Variants in ARF5 observed in about 807,000 individuals in gnomAD.
ARF5 encodes the protein ADP-ribosylation factor 5.
A neutral mutation model predicts 24.8 loss-of-function variants in ARF5; 10 were observed. The observed-to-expected ratio is 0.40, with a 90% confidence interval of 0.25 to 0.68. ARF5 has a LOEUF of 0.68. Among genes scored for constraint, ARF5 ranks in the 30% least tolerant of loss-of-function variants. The probability of loss-of-function intolerance (pLI) is 0.36; values close to 1 mark genes in which losing one functional copy is unlikely to be tolerated. For synonymous variants in ARF5, 102 were observed against 95.1 expected, an observed-to-expected ratio of 1.07 and a Z score of -0.42; for missense variants, 135 against 239.2, an observed-to-expected ratio of 0.56 and a Z score of 2.87.
chr7:127,590,579 CG>C (rs1472684534), intron 4 of ARF5, among the ~76,000 whole-genome samples: 1 of 152,158 alleles, frequency 6.6e-6, no homozygotes, highest in African/African-American at 2.4e-5. Flanking sequence ...GTGATCCACC[CG>C]TCTTGGTCTC....
At position 127,589,180 on chromosome 7, in the gene ARF5, A is replaced by G; in HGVS notation, c.148+17A>G. The G allele has an allele frequency of 6.2e-7, 1 of 1,613,722 alleles. No individual in the cohort carries two copies. Among genetic ancestry groups the G allele is most frequent in the Admixed American group, 1.7e-5 (1 of 60,020 alleles). On this transcript the variant is annotated intron_variant, in intron 2 of 5. Coordinates refer to ENST00000000233, the MANE Select transcript of ARF5 (RefSeq NM_001662.4). ...CAACCATAGGTGAGCCCGGGGACGA[A>G]GCAGGGAGCGGGAGCGCCGCGGCGG...
Position 127,588,583 on chromosome 7 carries a change from C to A in ARF5, c.67+18C>A. 1 of 1,386,090 alleles carries A rather than the reference C, an allele frequency of 7.2e-7. No homozygotes were observed. The highest frequency in any genetic ancestry group is 9.5e-7 in the Non-Finnish European group (1 of 1,055,496). The allele number at this position is 1,386,090 out of a possible 1,614,324, so 85.9% of individuals were successfully genotyped here. A position where few individuals can be genotyped will look rare whatever the true frequency, so the allele number is the denominator to read the frequency against. On this transcript the variant is annotated intron_variant, in intron 1 of 5. Transcript: ENST00000000233. ...TCTCATGGGTGAGGCAGATCGAGCGCGCGGCCCGGACCGGGGCGCCGGCCC... is the reference window on the plus strand; with the variant it reads ...TCTCATGGGTGAGGCAGATCGAGCGAGCGGCCCGGACCGGGGCGCCGGCCC...
At chr7:127,589,208 C>T in intron 2 of ARF5, 45 bp downstream of exon 2, 1 of 1,603,170 alleles carries the variant, frequency 6.2e-7, no homozygotes, top group Non-Finnish European at 8.5e-7. Flanking sequence ...CGCGGCGGGC[C>T]CTCGCGGGGT....
In ARF5 at chr7:127,591,412, G is replaced by A; in HGVS notation, c.*113G>A. 3.4e-6 allele frequency: 3 copies of A among 889,668 alleles called. No homozygotes were observed. Among genetic ancestry groups the A allele is most frequent in the East Asian group, 5.8e-5 (2 of 34,714 alleles). 55.1% of individuals were successfully genotyped at this position (889,668 alleles called of 1,614,324 possible). A position where few individuals can be genotyped will look rare whatever the true frequency, so the allele number is the denominator to read the frequency against. ...TTCCTCCCACTTTTCCTCCCCCATA[G>A]CCACAGGCCTCTGCTCCTGCTCCTG... On this transcript the variant is annotated 3_prime_UTR_variant, in exon 6 of 6. Transcript: ENST00000000233.
In ARF5 at chr7:127,591,372, C is replaced by G. The variant is rs1794285796; in HGVS notation, c.*73C>G. ...CCGGGATGACCAGACTCCCGGACTC[C>G]TCAGGCAGTGCCCTTTCCTCCCACT... is the stretch of plus-strand genomic sequence containing the variant. On this transcript the variant is annotated 3_prime_UTR_variant, in exon 6 of 6. Coordinates refer to ENST00000000233, the MANE Select transcript of ARF5 (RefSeq NM_001662.4). 7.5e-7 allele frequency: 1 copy of G among 1,330,818 alleles called. No homozygotes were observed. The highest frequency in any genetic ancestry group is 1.5e-5 in the South Asian group (1 of 67,922). The allele number at this position is 1,330,818 out of a possible 1,614,324, so 82.4% of individuals were successfully genotyped here.
At chr7:127,589,411 C>G in intron 2 of ARF5, 74 bp from the exon 3 acceptor site, 1 of 1,319,102 alleles carries the variant, frequency 7.6e-7, no homozygotes, top group Non-Finnish European at 1.1e-6. Context: ...TGTGTCCCTG[C>G]TGAAATCTAA....
intron 1 of ARF5, 44 bp downstream of exon 1, chr7:127,588,609 C>A: frequency 7.7e-7 from 1 of 1,298,460 alleles, no homozygotes; most frequent in Non-Finnish European, 9.9e-7. Flanking sequence ...GCGCCGGCCC[C>A]GGCGCAGCCC....
In ARF5 at chr7:127,591,408, C is replaced by T. The variant is rs923082419; in HGVS notation, c.*109C>T. 2 of 955,764 alleles carry T rather than the reference C, an allele frequency of 2.1e-6. No homozygotes were observed. The highest frequency in any genetic ancestry group is 5.6e-5 in the East Asian group (2 of 35,530). The allele number at this position is 955,764 out of a possible 1,614,324, so 59.2% of individuals were successfully genotyped here. A position where few individuals can be genotyped will look rare whatever the true frequency, so the allele number is the denominator to read the frequency against. ...CCCTTTCCTCCCACTTTTCCTCCCC[C>T]ATAGCCACAGGCCTCTGCTCCTGCT... On this transcript the variant is annotated 3_prime_UTR_variant, in exon 6 of 6. Transcript: ENST00000000233.
chr7:127,589,183 A>G lies in ARF5; in HGVS notation c.148+20A>G. The G allele has an allele frequency of 6.2e-7, 1 of 1,611,096 alleles. No individual in the cohort carries two copies. The highest frequency in any genetic ancestry group is 8.5e-7 in the Non-Finnish European group (1 of 1,177,972). ...CCATAGGTGAGCCCGGGGACGAAGC[A>G]GGGAGCGGGAGCGCCGCGGCGGGCC... On this transcript the variant is annotated intron_variant, in intron 2 of 5. Coordinates refer to ENST00000000233, the MANE Select transcript of ARF5 (RefSeq NM_001662.4).
intron 5 of ARF5, 54 bp downstream of exon 5, chr7:127,591,142 G>C (rs934046392): frequency 1.2e-6 from 2 of 1,610,772 alleles, no homozygotes; most frequent in Admixed American, 3.4e-5. Context: ...GAAGCTGCAG[G>C]CTGGGACAGA....
chr7:127,588,793 C>G, intron 1 of ARF5: 3 of 570,956 alleles, frequency 5.3e-6, no homozygotes, highest in Non-Finnish European at 9.0e-6. Flanking sequence ...TCCGCCCCAG[C>G]CCGGCTGGTA....
At chr7:127,590,638 C>A (rs1157129423) in intron 4 of ARF5, among the ~76,000 whole-genome samples, 1 of 152,208 alleles carries the variant, frequency 6.6e-6, no homozygotes, top group Non-Finnish European at 1.5e-5. Flanking sequence ...CGGCCGCATT[C>A]TCATGTCTTT....
chr7:127,589,215 G>T (rs1386582078), intron 2 of ARF5, 52 bp downstream of exon 2: 1 of 1,592,856 alleles, frequency 6.3e-7, no homozygotes, highest in Non-Finnish European at 8.6e-7. Context: ...GGCCCTCGCG[G>T]GGTCTGCTCC....
chr7:127,591,109 G>C (rs1319667797), intron 5 of ARF5, 21 bp downstream of exon 5: 1 of 1,613,138 alleles, frequency 6.2e-7, no homozygotes, highest in Non-Finnish European at 8.5e-7. Context: ...TGCCCACCTG[G>C]TGCTGAATCC....
Position 127,591,409 on chromosome 7 carries a change from A to C in ARF5, c.*110A>C. The C allele has an allele frequency of 7.7e-6, 7 of 911,684 alleles. No individual in the cohort carries two copies. The highest frequency in any genetic ancestry group is 9.6e-6 in the Non-Finnish European group (6 of 623,154). 56.5% of individuals were successfully genotyped at this position (911,684 alleles called of 1,614,324 possible). On this transcript the variant is annotated 3_prime_UTR_variant, in exon 6 of 6. Transcript: ENST00000000233. ...CCTTTCCTCCCACTTTTCCTCCCCC[A>C]TAGCCACAGGCCTCTGCTCCTGCTC...
rs770792390 is a variant in ARF5 at position 127,589,052 on chromosome 7, A to G, written c.68-31A>G. 4 of 1,613,046 alleles carry G rather than the reference A, an allele frequency of 2.5e-6. No individual in the cohort carries two copies. The African/African-American group carries it at 4.0e-5, about 16-fold the overall frequency. The stretch of plus-strand genomic sequence containing the variant: ...GTCTCTAGGGGGCTCCCTCGCTCCC[A>G]TCTCCATCCCTGTGCCCCTTTCCGT... On this transcript the variant is annotated intron_variant, in intron 1 of 5. Coordinates refer to ENST00000000233, the MANE Select transcript of ARF5 (RefSeq NM_001662.4).
chr7:127,590,938 C>T, intron 4 of ARF5, 25 bp from the exon 5 acceptor site: 2 of 1,605,802 alleles, frequency 1.2e-6, no homozygotes, highest in East Asian at 2.2e-5. Flanking sequence ...CAGCCTGGGT[C>T]CCACCTTCTC....
intron 1 of ARF5, 88 bp downstream of exon 1, chr7:127,588,653 T>A: frequency 8.3e-7 from 1 of 1,200,000 alleles, no homozygotes; most frequent in Non-Finnish European, 1.1e-6. Context: ...CCCGCTCACC[T>A]GGGTCTCTGG....
intron 1 of ARF5, 56 bp from the exon 2 acceptor site, chr7:127,589,027 G>A: frequency 6.3e-7 from 1 of 1,594,008 alleles, no homozygotes; most frequent in African/African-American, 1.3e-5. Flanking sequence ...CCTTTCCCTG[G>A]TCTCTAGGGG....
Sources: gnomAD v4.1 joint callset for allele counts (sites outside exome capture counted in the v4.1 genomes callset) on GRCh38, gnomAD v4.1.1 for gene constraint, MANE v1.5 for transcripts, NCBI Gene and HGNC (gene_info 2026-07-23, HGNC 2026-07-21) for gene names.